FAM81B: variants seen among roughly 807,000 people sequenced by gnomAD.
FAM81B encodes the protein protein FAM81B.
In FAM81B, 60 loss-of-function variants were observed where a neutral mutation model predicts 58.7. The observed-to-expected ratio is 1.02, with a 90% CI of 0.83 to 1.27. The LOEUF (loss-of-function observed/expected upper bound fraction) is 1.27. Ranked by LOEUF, FAM81B falls within the 50% of genes most tolerant of loss-of-function variation. The pLI is 0.00. For synonymous variants in FAM81B, 189 were observed against 179.6 expected, an observed-to-expected ratio of 1.05 and a Z score of -0.42; for missense variants, 491 against 522.0, an observed-to-expected ratio of 0.94 and a Z score of 0.58.
intron 5 of FAM81B, among the ~76,000 whole-genome samples, chr5:95,426,094 G>GTGTATATATATATATATATATA (rs1491455240): frequency 8.3e-6 from 1 of 120,178 alleles, no homozygotes; most frequent in African/African-American, 3.3e-5. Context: ...ATCTCTGTGT[G>GTGTATATATATATATATATATA]TATATATATA....
At chr5:95,422,396 A>T (rs1256363070) in intron 5 of FAM81B, among the ~76,000 whole-genome samples, 3 of 152,072 alleles carry the variant, frequency 2.0e-5, no homozygotes, top group African/African-American at 7.2e-5. Context: ...GTTATGAAAC[A>T]AGATAACAAA....
At chr5:95,426,857 G>A (rs948222928) in intron 5 of FAM81B, among the ~76,000 whole-genome samples, 7 of 152,150 alleles carry the variant, frequency 4.6e-5, no homozygotes, top group Non-Finnish European at 8.8e-5. Context: ...GACCATCCTG[G>A]CTAAGACGGT....
chr5:95,449,706 G>A (rs1008025439), intron 9 of FAM81B, among the ~76,000 whole-genome samples: 4 of 152,172 alleles, frequency 2.6e-5, no homozygotes, highest in Non-Finnish European at 5.9e-5. Flanking sequence ...CTAGGAGGGA[G>A]GAGGGCAGCA....
chr5:95,439,264 ATG>A (rs1554046244), intron 7 of FAM81B, among the ~76,000 whole-genome samples: 1 of 142,594 alleles, frequency 7.0e-6, no homozygotes, highest in African/African-American at 2.6e-5. Context: ...ATATATATAT[ATG>A]TATATTTTAA....
At chr5:95,402,867 A>G (rs253722) in intron 3 of FAM81B, among the ~76,000 whole-genome samples, 82,001 of 152,004 alleles carry the variant, frequency 0.54, 22,365 homozygotes, top group South Asian at 0.7. Flanking sequence ...AGAACTTACA[A>G]CCACACAGCA....
intron 3 of FAM81B, among the ~76,000 whole-genome samples, chr5:95,403,625 T>G (rs35745273): frequency 0.26 from 40,175 of 152,002 alleles, 5,499 homozygotes; most frequent in Middle Eastern, 0.29. Flanking sequence ...AGCCAGGTGG[T>G]TTTTTTTATT....
At chr5:95,437,282 A>G (rs906202636) in intron 7 of FAM81B, among the ~76,000 whole-genome samples, 3 of 152,128 alleles carry the variant, frequency 2.0e-5, no homozygotes, top group African/African-American at 7.2e-5. Context: ...TTGATACACA[A>G]GCTTTTCCTT....
At chr5:95,402,017 G>C (rs954471096) in intron 3 of FAM81B, among the ~76,000 whole-genome samples, 1 of 152,190 alleles carries the variant, frequency 6.6e-6, no homozygotes, top group African/African-American at 2.4e-5. Flanking sequence ...GACTCCATCT[G>C]CACTAGTCTG....
At chr5:95,425,762 A>AT (rs941312709) in intron 5 of FAM81B, among the ~76,000 whole-genome samples, 10 of 151,764 alleles carry the variant, frequency 6.6e-5, no homozygotes, top group African/African-American at 1.9e-4. Flanking sequence ...AAATTAGCAA[A>AT]TTTTTTTTTA....
At chr5:95,449,271 A>G (rs145190794) in intron 9 of FAM81B, among the ~76,000 whole-genome samples, 137 of 152,316 alleles carry the variant, frequency 9.0e-4, no homozygotes, top group African/African-American at 3.2e-3. Context: ...TTCCTGGCAT[A>G]TAAGTAGAAT....
At chr5:95,426,777 G>A (rs757008992) in intron 5 of FAM81B, among the ~76,000 whole-genome samples, 22 of 152,146 alleles carry the variant, frequency 1.4e-4, no homozygotes, top group Non-Finnish European at 3.1e-4. Context: ...GGCCGGGCGC[G>A]GTGGCTCACG....
At chr5:95,435,933 C>T (rs1013074378) in intron 6 of FAM81B, among the ~76,000 whole-genome samples, 1 of 152,232 alleles carries the variant, frequency 6.6e-6, no homozygotes, top group Non-Finnish European at 1.5e-5. Flanking sequence ...GCCCACCCAA[C>T]ACTTACCTAT....
In FAM81B at chr5:95,414,084, A is replaced by C. The variant is rs1256102807; in HGVS notation, c.431A>C (p.Gln144Pro). 6.2e-7 allele frequency: 1 copy of C among 1,614,012 alleles called. No individual in the cohort carries two copies. The highest frequency in any genetic ancestry group is 8.5e-7 in the Non-Finnish European group (1 of 1,180,018). Residue 144 changes from glutamine to proline, a missense_variant, in exon 4 of 10, where the codon CAG becomes CCG. Physicochemically the swap from Gln to Pro is moderately conservative, Grantham distance 76 (BLOSUM62 -1). Transcript: ENST00000283357. ...AAGGAGGACATCTCTGCTTGCCTGC[A>C]GGGGACCCATGGCTTTCGAAAAGAG... ...RIKEDISACL[Q>P]GTHGFRKEES...
At chr5:95,440,187 C>G in intron 7 of FAM81B, 1 of 616,486 alleles carries the variant, frequency 1.6e-6, no homozygotes. Context: ...TTTCAAGATT[C>G]AAGATCAACA....
Position 95,448,260 on chromosome 5 carries a change from CT to C in FAM81B, c.1030-5del, listed in dbSNP as rs1364319539. Reference sequence around the variant, plus strand: ...TTTCTGAAGTTTTATCCCATAATCTCTTTTACAGGAAAAGTCTGAAAATAAA... The same window carrying C: ...TTTCTGAAGTTTTATCCCATAATCTCTTTACAGGAAAAGTCTGAAAATAAA... On this transcript the variant is annotated splice_polypyrimidine_tract_variant and splice_region_variant and intron_variant, in intron 8 of 9. Transcript: ENST00000283357. 4 of 1,595,612 alleles carry C rather than the reference CT, an allele frequency of 2.5e-6. No homozygotes were observed. The highest frequency in any genetic ancestry group is 3.4e-6 in the Non-Finnish European group (4 of 1,175,352).
chr5:95,393,741 A>G (rs1031090226), intron 2 of FAM81B, among the ~76,000 whole-genome samples: 1 of 152,212 alleles, frequency 6.6e-6, no homozygotes, highest in Non-Finnish European at 1.5e-5. Flanking sequence ...ATGGGAAGGT[A>G]ATGATATCCA....
intron 3 of FAM81B, among the ~76,000 whole-genome samples, chr5:95,412,432 C>T (rs1762430119): frequency 6.6e-6 from 1 of 152,138 alleles, no homozygotes; most frequent in South Asian, 2.1e-4. Flanking sequence ...CAGTTGGTAA[C>T]TTTGCTGGCT....
intron 7 of FAM81B, among the ~76,000 whole-genome samples, chr5:95,442,590 A>T (rs1169560782): frequency 6.6e-6 from 1 of 152,130 alleles, no homozygotes; most frequent in Non-Finnish European, 1.5e-5. Context: ...CTACCACAGA[A>T]ATTTTTAAAA....
chr5:95,412,110 A>G (rs371873220), intron 3 of FAM81B, among the ~76,000 whole-genome samples: 2 of 152,040 alleles, frequency 1.3e-5, no homozygotes, highest in East Asian at 3.8e-4. Context: ...ATTCACAGTC[A>G]TATTTTGAAG....
Sources: gnomAD v4.1 joint callset for allele counts (sites outside exome capture counted in the v4.1 genomes callset) on GRCh38, gnomAD v4.1.1 for gene constraint, MANE v1.5 for transcripts, NCBI Gene and HGNC (gene_info 2026-07-23, HGNC 2026-07-21) for gene names.